OPTN: variants seen among roughly 807,000 people sequenced by gnomAD.
OPTN encodes the protein optineurin.
OPTN carries 54 observed loss-of-function variants against 70.4 expected under a neutral mutation model. The ratio of observed to expected loss-of-function variants is 0.77; its 90% confidence interval spans 0.62 to 0.96. The LOEUF (loss-of-function observed/expected upper bound fraction) is 0.96. Ranked by LOEUF, OPTN falls within the 40% of genes least tolerant of loss-of-function variation. The pLI is 0.00. For synonymous variants in OPTN, 256 were observed against 248.5 expected, an observed-to-expected ratio of 1.03 and a Z score of -0.28; for missense variants, 624 against 673.2, an observed-to-expected ratio of 0.93 and a Z score of 0.81.
intron 1 of OPTN, among the ~76,000 whole-genome samples, chr10:13,107,918 T>A (rs1460383994): frequency 1.3e-5 from 2 of 152,188 alleles, no homozygotes; most frequent in African/African-American, 4.8e-5. Context: ...TGCTGAAACA[T>A]GTTTGCCTGG....
chr10:13,110,247 G>T (rs760240571), intron 3 of OPTN, 27 bp from the exon 4 acceptor site: 8 of 1,611,836 alleles, frequency 5.0e-6, no homozygotes, highest in Non-Finnish European at 6.8e-6. Context: ...CCTGGTGTGT[G>T]ACTCCATCAC....
Position 13,137,047 on chromosome 10 carries a change from AGGTG to A in OPTN, c.*187_*190del. The A allele has an allele frequency of 1.4e-6, 1 of 715,936 alleles. No homozygotes were observed. The highest frequency in any genetic ancestry group is 2.9e-5 in the East Asian group (1 of 34,590). The allele number at this position is 715,936 out of a possible 1,614,324, so 44.3% of individuals were successfully genotyped here. The stretch of plus-strand genomic sequence containing the variant: ...GTAATCCCAGCACTTTGGGAGGTCG[AGGTG>A]GGTGGATCACTTGGGGTCAGGGTTT... On this transcript the variant is annotated 3_prime_UTR_variant, in exon 15 of 15. Transcript: ENST00000378747.
At chr10:13,126,846 G>A (rs1001972378) in intron 11 of OPTN, among the ~76,000 whole-genome samples, 2 of 152,078 alleles carry the variant, frequency 1.3e-5, no homozygotes, top group Non-Finnish European at 2.9e-5. Flanking sequence ...TGGGCAACAG[G>A]GAGGCCCTAT....
At chr10:13,116,386 G>C in intron 6 of OPTN, 46 bp downstream of exon 6, 1 of 1,375,804 alleles carries the variant, frequency 7.3e-7, no homozygotes, top group Non-Finnish European at 1.0e-6. Context: ...GGCTGGGCAG[G>C]CTCGTCACTG....
At chr10:13,128,502 CT>C (rs56147136) in intron 12 of OPTN, among the ~76,000 whole-genome samples, 1 of 33,480 alleles carries the variant, frequency 3.0e-5, no homozygotes, top group Non-Finnish European at 5.8e-5. Flanking sequence ...TCAAGCCTGC[CT>C]TTTTTTTTTT....
intron 14 of OPTN, among the ~76,000 whole-genome samples, chr10:13,133,961 G>A (rs190565438): frequency 7.2e-4 from 109 of 152,070 alleles, no homozygotes; most frequent in South Asian, 1.5e-3. Flanking sequence ...GGCGTGCACC[G>A]CCACACCCAG....
intron 11 of OPTN, among the ~76,000 whole-genome samples, chr10:13,126,350 G>T (rs1247419616): frequency 2.7e-5 from 4 of 149,070 alleles, no homozygotes; most frequent in African/African-American, 5.0e-5. Context: ...GCGCGATCTC[G>T]GCTCACTGCA....
Position 13,110,315 on chromosome 10 carries a change from G to C in OPTN, c.208G>C (p.Glu70Gln). 1 of 1,614,126 alleles carries C rather than the reference G, an allele frequency of 6.2e-7. No individual in the cohort carries two copies. The highest frequency in any genetic ancestry group is 1.1e-5 in the South Asian group (1 of 91,048). Residue 70 changes from glutamate to glutamine, a missense_variant, in exon 4 of 15, where the codon GAG becomes CAG. Coordinates refer to ENST00000378747, the MANE Select transcript of OPTN (RefSeq NM_001008212.2). ...TAATCAAGCCATGAAAGGGAGATTT[G>C]AGGAGCTTTCGGCCTGGACAGAGAA... ...LNNQAMKGRF[E>Q]ELSAWTEKQK...
At chr10:13,119,702 A>G (rs1311029697) in intron 7 of OPTN, among the ~76,000 whole-genome samples, 2 of 152,210 alleles carry the variant, frequency 1.3e-5, no homozygotes, top group African/African-American at 4.8e-5. Flanking sequence ...CTCCACGTCC[A>G]TACCAACACT....
intron 14 of OPTN, among the ~76,000 whole-genome samples, chr10:13,135,000 C>T (rs1833669861): frequency 6.6e-6 from 1 of 152,190 alleles, no homozygotes; most frequent in South Asian, 2.1e-4. Context: ...AAGCTCCCTG[C>T]TTTGGAAACC....
At chr10:13,112,128 C>T (rs1019204477) in intron 4 of OPTN, among the ~76,000 whole-genome samples, 8 of 148,360 alleles carry the variant, frequency 5.4e-5, no homozygotes, top group African/African-American at 1.7e-4. Flanking sequence ...GGATTACAGG[C>T]GTGAGCCACC....
In OPTN at chr10:13,126,283, C is replaced by CCTTTTTTTTTTT. The variant is rs771767144; in HGVS notation, c.1242+244_1242+245insCTTTTTTTTTTT. On this transcript the variant is annotated intron_variant, in intron 11 of 14. Transcript: ENST00000378747. The stretch of plus-strand genomic sequence containing the variant: ...GTCAGGGATTAAGCACTTCGTATTT[C>CCTTTTTTTTTTT]TTTTTTTTTTTTTTTGAGACGGAGT... Among the ~76,000 whole-genome samples the CCTTTTTTTTTTT allele has an allele frequency of 4.4e-3, 612 of 138,944 alleles. 33 individuals are homozygous for CCTTTTTTTTTTT. Among genetic ancestry groups the CCTTTTTTTTTTT allele is most frequent in the African/African-American group, 0.015 (547 of 36,620 alleles). The allele number at this position is 138,944 out of a possible 152,430, so 91.2% of individuals were successfully genotyped here.
At chr10:13,111,658 A>G (rs967080953) in intron 4 of OPTN, among the ~76,000 whole-genome samples, 1 of 151,828 alleles carries the variant, frequency 6.6e-6, no homozygotes, top group Non-Finnish European at 1.5e-5. Context: ...AGATCGCGCC[A>G]TTGCACTCCA....
At position 13,127,888 on chromosome 10, in the gene OPTN, C is replaced by T. The variant is rs765547990; in HGVS notation, c.1386C>T (p.Thr462=). The T allele has an allele frequency of 3.7e-6, 6 of 1,614,018 alleles. No individual in the cohort carries two copies. Among genetic ancestry groups the T allele is most frequent in the Non-Finnish European group, 4.2e-6 (5 of 1,180,044 alleles). The part of the protein sequence containing the change: ...AKQEEDLETM[T]ILRAQMEVYC... The stretch of plus-strand genomic sequence containing the variant: ...AGGAAGAGGACCTGGAAACCATGAC[C>T]ATCCTCAGGGCTCAGGTGAGGCACC... Residue 462 remains threonine, a synonymous_variant, in exon 12 of 15, where the codon ACC becomes ACT. Coordinates refer to ENST00000378747, the MANE Select transcript of OPTN (RefSeq NM_001008212.2).
chr10:13,132,599 C>G (rs767051735), intron 13 of OPTN, among the ~76,000 whole-genome samples: 64 of 152,148 alleles, frequency 4.2e-4, no homozygotes, highest in Non-Finnish European at 2.5e-4. Flanking sequence ...TCACTGCAGC[C>G]TCAACTTCCT....
At chr10:13,114,125 A>C (rs1272325578) in intron 5 of OPTN, among the ~76,000 whole-genome samples, 1 of 152,078 alleles carries the variant, frequency 6.6e-6, no homozygotes, top group Admixed American at 6.6e-5. Flanking sequence ...AAAAATGTAC[A>C]TTGTAGATAA....
chr10:13,112,385 G>C (rs1588436364), intron 4 of OPTN, 68 bp from the exon 5 acceptor site: 2 of 1,470,668 alleles, frequency 1.4e-6, no homozygotes, highest in Non-Finnish European at 1.9e-6. Flanking sequence ...CTGCGATTAA[G>C]GGCATGAGCC....
In OPTN at chr10:13,125,503, G is replaced by C; in HGVS notation, c.1084G>C (p.Glu362Gln). The C allele has an allele frequency of 6.2e-7, 1 of 1,614,110 alleles. No individual in the cohort carries two copies. The highest frequency in any genetic ancestry group is 8.5e-7 in the Non-Finnish European group (1 of 1,179,996). The change falls in exon 10 of 15, where the codon GAG becomes CAG. Residue 362 changes from glutamate to glutamine, a missense_variant. Coordinates refer to ENST00000378747, the MANE Select transcript of OPTN (RefSeq NM_001008212.2). ...QELVYTNKKL[E>Q]LQVESMLSEI... ...GCTTGTTTATACTAACAAAAAGTTA[G>C]AGCTACAAGTGGAAAGCATGCTATC...
intron 1 of OPTN, among the ~76,000 whole-genome samples, chr10:13,104,060 T>C (rs1432784064): frequency 1.3e-5 from 2 of 152,186 alleles, no homozygotes; most frequent in East Asian, 3.8e-4. Context: ...AATGTATCTC[T>C]GTCTTTCCTC....
Sources: gnomAD v4.1 joint callset for allele counts (sites outside exome capture counted in the v4.1 genomes callset) on GRCh38, gnomAD v4.1.1 for gene constraint, MANE v1.5 for transcripts, NCBI Gene and HGNC (gene_info 2026-07-23, HGNC 2026-07-21) for gene names.